The following FOXJ3 variants were observed in gnomAD, a reference collection of about 807,000 sequenced individuals.
The protein encoded by FOXJ3 is forkhead box J3, also known as forkhead box protein J3.
Under a neutral mutation model 76.1 loss-of-function variants are expected in FOXJ3, and 22 were observed. That is an observed-to-expected ratio of 0.29 (90% CI 0.21 to 0.41). The LOEUF (loss-of-function observed/expected upper bound fraction) is 0.41. Among genes scored for constraint, FOXJ3 ranks in the 10% least tolerant of loss-of-function variants. The pLI is 1.00. For missense variants in FOXJ3, 613 were observed against 762.1 expected (o/e 0.80, Z 2.30); for synonymous variants, 269 against 261.2 (o/e 1.03, Z -0.29).
At chr1:42,324,119 ATACACAGTG>A (rs1655635588) in intron 1 of FOXJ3, among the ~76,000 whole-genome samples, 1 of 142,438 alleles carries the variant, frequency 7.0e-6, no homozygotes, top group African/African-American at 2.5e-5. Flanking sequence ...TACACTGTAT[ATACACAGTG>A]TATATACAGT....
rs1208035103 is a variant in FOXJ3 at position 42,324,128 on chromosome 1, G to A, written c.-18+10931C>T. On this transcript the variant is annotated intron_variant, in intron 1 of 12. Transcript: ENST00000361346. Reference sequence around the variant, plus strand: ...TGTATATACACTGTATATACACAGTGTATATACAGTATATATACTATATAT... The same window carrying A: ...TGTATATACACTGTATATACACAGTATATATACAGTATATATACTATATAT... Among the ~76,000 whole-genome samples, 9 of 5,792 alleles carry A rather than the reference G, an allele frequency of 1.6e-3. 3 individuals are homozygous for A. The highest frequency in any genetic ancestry group is 2.6e-3 in the African/African-American group (7 of 2,686). 3.8% of individuals were successfully genotyped at this position (5,792 alleles called of 152,430 possible).
At chr1:42,295,176 T>C (rs919304997) in intron 2 of FOXJ3, among the ~76,000 whole-genome samples, 5 of 152,144 alleles carry the variant, frequency 3.3e-5, no homozygotes, top group African/African-American at 4.8e-5. Flanking sequence ...GTGAACATTA[T>C]ACCCAACATG....
chr1:42,196,006 T>G (rs1392654407), intron 7 of FOXJ3, among the ~76,000 whole-genome samples: 1 of 152,216 alleles, frequency 6.6e-6, no homozygotes, highest in Admixed American at 6.5e-5. Context: ...TACCTTTCTA[T>G]TTTGCCAGAG....
rs548086154 is a variant in FOXJ3, at chr1:42,229,020, C to T, written c.445-1054G>A. On this transcript the variant is annotated intron_variant, in intron 4 of 12. Transcript: ENST00000361346. The stretch of plus-strand genomic sequence containing the variant: ...CAATCCTCACACTTTATGCCCAACA[C>T]GAATCATCTCCTTATACTTTCTTGA... 2.5e-4 allele frequency among the ~76,000 whole-genome samples: 38 copies of T among 152,252 alleles called. 1 individual carries two copies. In the South Asian group the frequency reaches 7.9e-3, roughly 32 times the overall value.
chr1:42,188,902 C>G lies in FOXJ3; in HGVS notation c.1480G>C (p.Asp494His). ...TGGTCTAAAGACCAGTTCTTGAGATCTGCCTGTCTCATACTCTCCATCAGA... is the reference window on the plus strand; with the variant it reads ...TGGTCTAAAGACCAGTTCTTGAGATGTGCCTGTCTCATACTCTCCATCAGA... ...QGLMESMRQA[D>H]LKNWSLDQVQ... is the part of the protein sequence containing the mutation. Residue 494 changes from aspartate (D) to histidine (H), a missense_variant, in exon 11 of 13, where the codon GAT becomes CAT. By Grantham distance (81) the Asp-to-His change is moderately conservative. This residue lies in a region of FOXJ3 where 526 missense variants were observed against 601.4 expected (regional missense o/e 0.87). Transcript: ENST00000361346. 6.2e-7 allele frequency: 1 copy of G among 1,610,140 alleles called. No homozygotes were observed. Among genetic ancestry groups the G allele is most frequent in the Non-Finnish European group, 8.5e-7 (1 of 1,177,396 alleles).
intron 1 of FOXJ3, among the ~76,000 whole-genome samples, chr1:42,331,225 C>T (rs1295930773): frequency 2.0e-5 from 3 of 151,990 alleles, no homozygotes; most frequent in Admixed American, 6.6e-5. Context: ...CCACTAAAAA[C>T]GCAGAAATTA....
chr1:42,201,981 CTTTA>C (rs1474791038), intron 6 of FOXJ3, among the ~76,000 whole-genome samples: 1 of 152,080 alleles, frequency 6.6e-6, no homozygotes, highest in South Asian at 2.1e-4. Context: ...AAAATTTCAA[CTTTA>C]TTTACATAAG....
At chr1:42,279,711 T>C (rs186890191) in intron 2 of FOXJ3, among the ~76,000 whole-genome samples, 12 of 152,140 alleles carry the variant, frequency 7.9e-5, no homozygotes, top group African/African-American at 2.9e-4. Flanking sequence ...CCTTCTATTC[T>C]GGGATCAAAG....
chr1:42,249,338 T>C (rs1051021121), intron 4 of FOXJ3, among the ~76,000 whole-genome samples: 1 of 152,194 alleles, frequency 6.6e-6, no homozygotes, highest in African/African-American at 2.4e-5. Flanking sequence ...CTCTGGACCA[T>C]GTTAGTCTGT....
intron 1 of FOXJ3, chr1:42,323,893 C>T (rs1655577655): frequency 6.5e-6 from 1 of 154,706 alleles, no homozygotes; most frequent in Admixed American, 6.6e-5. Context: ...AAACAGGTTA[C>T]CTTATAGCTA....
At chr1:42,255,652 C>G (rs1490486310) in intron 4 of FOXJ3, among the ~76,000 whole-genome samples, 1 of 152,132 alleles carries the variant, frequency 6.6e-6, no homozygotes, top group Non-Finnish European at 1.5e-5. Context: ...GAAAAAGATA[C>G]ACCATGATGT....
chr1:42,214,359 G>T (rs1393560517), intron 5 of FOXJ3, among the ~76,000 whole-genome samples: 1 of 152,086 alleles, frequency 6.6e-6, no homozygotes, highest in Admixed American at 6.6e-5. Context: ...AATAGATCCA[G>T]GCATCCCAAA....
chr1:42,287,046 A>G (rs1653100084), intron 2 of FOXJ3, among the ~76,000 whole-genome samples: 1 of 152,120 alleles, frequency 6.6e-6, no homozygotes. Context: ...ATTGTGGTTA[A>G]AAGAAAAAGT....
At chr1:42,269,178 A>G (rs1651692954) in intron 3 of FOXJ3, among the ~76,000 whole-genome samples, 1 of 152,196 alleles carries the variant, frequency 6.6e-6, no homozygotes, top group Non-Finnish European at 1.5e-5. Context: ...GGGATAACTA[A>G]TAACAGAATT....
chr1:42,241,558 G>A (rs889397820), intron 4 of FOXJ3, among the ~76,000 whole-genome samples: 2 of 152,146 alleles, frequency 1.3e-5, no homozygotes, highest in African/African-American at 4.8e-5. Flanking sequence ...TACTTCCTGG[G>A]GCCCTGAGGA....
chr1:42,297,782 C>G lies in FOXJ3; in HGVS notation c.44+13268G>C, dbSNP rs74456464. 1.4e-4 allele frequency among the ~76,000 whole-genome samples: 22 copies of G among 152,022 alleles called. No homozygotes were observed. In the East Asian group the frequency reaches 4.3e-3, roughly 29 times the overall value. On this transcript the variant is annotated intron_variant, in intron 2 of 12. Coordinates refer to ENST00000361346, the MANE Select transcript of FOXJ3 (RefSeq NM_014947.5). The stretch of plus-strand genomic sequence containing the variant: ...CTCACCTGACTTTGATACTGGTGTC[C>G]TCACCTGACTTTGATACTGGTTTTG...
chr1:42,184,621 C>T (rs1303735610), intron 11 of FOXJ3, among the ~76,000 whole-genome samples: 1 of 151,936 alleles, frequency 6.6e-6, no homozygotes, highest in Non-Finnish European at 1.5e-5. Flanking sequence ...CTCTGCTTTT[C>T]GGGTGTGTAT....
Position 42,291,079 on chromosome 1 carries a change from T to TAGATAGACAGAC in FOXJ3, c.45-12419_45-12408dup, listed in dbSNP as rs1553167251. Among the ~76,000 whole-genome samples the TAGATAGACAGAC allele has an allele frequency of 2.1e-3, 268 of 125,656 alleles. 3 individuals carry two copies. Among genetic ancestry groups the TAGATAGACAGAC allele is most frequent in the African/African-American group, 7.6e-3 (258 of 33,946 alleles). 82.4% of individuals were successfully genotyped at this position (125,656 alleles called of 152,430 possible). ...ATAGATAGATAGATAGATAGATAGA[T>TAGATAGACAGAC]AGATAGACAGACAGACAGACAGATA... is the stretch of plus-strand genomic sequence containing the variant. On this transcript the variant is annotated intron_variant, in intron 2 of 12. Coordinates refer to ENST00000361346, the MANE Select transcript of FOXJ3 (RefSeq NM_014947.5).
intron 4 of FOXJ3, among the ~76,000 whole-genome samples, chr1:42,251,266 A>T (rs190420135): frequency 6.6e-6 from 1 of 152,302 alleles, no homozygotes; most frequent in African/African-American, 2.4e-5. Flanking sequence ...TTTTCATAGA[A>T]AATAATGGAG....
Sources: allele counts gnomAD v4.1 joint callset (sites outside exome capture counted in the v4.1 genomes callset), GRCh38; gene constraint gnomAD v4.1.1; regional missense constraint gnomAD v4.1.1; transcripts MANE v1.5; gene names NCBI Gene and HGNC (gene_info 2026-07-23, HGNC 2026-07-21).